Variants in DHX29 observed in about 807,000 individuals in gnomAD.
DHX29 encodes the protein ATP-dependent RNA helicase DHX29.
A neutral mutation model predicts 167.9 loss-of-function variants in DHX29; 79 were observed. The observed-to-expected ratio is 0.47, with a 90% confidence interval of 0.39 to 0.57. The LOEUF (loss-of-function observed/expected upper bound fraction) is 0.57. DHX29 is among the 20% of genes least tolerant of loss of function. The probability of loss-of-function intolerance (pLI) is 0.00; values close to 1 mark genes in which losing one functional copy is unlikely to be tolerated. For synonymous variants in DHX29, 530 were observed against 546.0 expected (o/e 0.97, Z 0.41); for missense variants, 1,347 against 1,593.4 (o/e 0.85, Z 2.63).
In DHX29 at chr5:55,260,649, C is replaced by G. The variant is rs1019106651; in HGVS notation, c.3961-705G>C. On this transcript the variant is annotated intron_variant, in intron 25 of 26. Coordinates refer to ENST00000251636, the MANE Select transcript of DHX29 (RefSeq NM_019030.4). ...TCCAGTTATAAAACATTTCCACCAC[C>G]CCAATTTCTTTGCACAAACTGCATA... Among the ~76,000 whole-genome samples the G allele has an allele frequency of 2.0e-5, 3 of 152,126 alleles. No individual in the cohort carries two copies. The East Asian group carries it at 5.8e-4, about 29-fold the overall frequency.
intron 21 of DHX29, among the ~76,000 whole-genome samples, chr5:55,268,386 A>G (rs1260899170): frequency 1.3e-5 from 2 of 152,210 alleles, no homozygotes; most frequent in Non-Finnish European, 2.9e-5. Context: ...AAGAGAGACT[A>G]TAGTAATAAG....
intron 8 of DHX29, 54 bp downstream of exon 8, chr5:55,289,213 TTTC>T (rs1398136466): frequency 6.8e-7 from 1 of 1,462,564 alleles, no homozygotes; most frequent in African/African-American, 1.5e-5. Context: ...CCATTATATA[TTTC>T]TTGACATTTT....
At chr5:55,268,351 G>A (rs1359158822) in intron 21 of DHX29, among the ~76,000 whole-genome samples, 1 of 152,170 alleles carries the variant, frequency 6.6e-6, no homozygotes, top group Non-Finnish European at 1.5e-5. Flanking sequence ...AAATTCCAGT[G>A]AATATCTATT....
At chr5:55,282,954 T>G (rs930994851) in intron 11 of DHX29, 1 of 297,424 alleles carries the variant, frequency 3.4e-6, no homozygotes, top group Non-Finnish European at 6.2e-6. Context: ...AATATTCAAT[T>G]ATTATAGTTA....
intron 23 of DHX29, among the ~76,000 whole-genome samples, chr5:55,266,157 C>T (rs995335019): frequency 6.6e-6 from 1 of 152,020 alleles, no homozygotes; most frequent in African/African-American, 2.4e-5. Context: ...CGCCATCACA[C>T]CTGGCTCATT....
intron 10 of DHX29, 23 bp from the exon 11 acceptor site, chr5:55,283,834 T>C: frequency 6.5e-7 from 1 of 1,536,688 alleles, no homozygotes; most frequent in Non-Finnish European, 8.7e-7. Context: ...CAGAGGTATG[T>C]TATTTTCACT....
rs757068122 is a variant in DHX29 at position 55,259,930 on chromosome 5, T to C, written c.3975A>G (p.Ile1325Met). ...GWIYFQAPVK[I>M]AVIFKQLRVL... ...CTCTCAGCTGCTTGAAAATGACAGC[T>C]ATCTTTACAGGGGCCTGTTAAGAGG... The change falls in exon 26 of 27, where the codon ATA (isoleucine) becomes ATG (methionine). Residue 1325 changes from isoleucine (I) to methionine (M), a missense_variant. By Grantham distance (10) the Ile-to-Met change is conservative. Around this residue, in one of 3 missense-constraint regions of DHX29, gnomAD observed 882 missense variants for 1,082.4 expected, o/e 0.81. Transcript: ENST00000251636. 2.5e-6 allele frequency: 4 copies of C among 1,610,932 alleles called. No homozygotes were observed. The South Asian group carries it at 3.3e-5, about 13-fold the overall frequency.
intron 18 of DHX29, among the ~76,000 whole-genome samples, chr5:55,271,240 A>G (rs1746840207): frequency 6.6e-6 from 1 of 152,246 alleles, no homozygotes; most frequent in Non-Finnish European, 1.5e-5. Context: ...TTTATTCAAT[A>G]TAAACATTAT....
chr5:55,281,062 T>TACAC (rs144186039), intron 12 of DHX29, among the ~76,000 whole-genome samples: 7 of 142,428 alleles, frequency 4.9e-5, no homozygotes, highest in South Asian at 4.4e-4. Context: ...TATATGTATA[T>TACAC]ACACACACAC....
chr5:55,264,775 G>A (rs1296150226), intron 23 of DHX29, among the ~76,000 whole-genome samples: 4 of 152,092 alleles, frequency 2.6e-5, no homozygotes, highest in African/African-American at 9.7e-5. Flanking sequence ...GAGATGCTTA[G>A]GAATCAACTC....
intron 21 of DHX29, among the ~76,000 whole-genome samples, chr5:55,269,104 G>T (rs1467176989): frequency 1.3e-5 from 2 of 151,904 alleles, no homozygotes; most frequent in Admixed American, 1.3e-4. Context: ...AAATTAGCCA[G>T]GTGTGGTGGC....
At chr5:55,304,990 G>GT (rs1748790527) in intron 1 of DHX29, among the ~76,000 whole-genome samples, 1 of 152,110 alleles carries the variant, frequency 6.6e-6, no homozygotes, top group Non-Finnish European at 1.5e-5. Context: ...ATAACCTCTA[G>GT]TTTTTTTCTC....
At chr5:55,288,144 G>A (rs1747841077) in intron 8 of DHX29, among the ~76,000 whole-genome samples, 2 of 151,950 alleles carry the variant, frequency 1.3e-5, no homozygotes, top group South Asian at 4.1e-4. Flanking sequence ...TTGGGAGGCT[G>A]AGGCAGGAGG....
chr5:55,267,286 ACT>A (rs1213556779), intron 22 of DHX29, 55 bp from the exon 23 acceptor site: 9 of 1,372,640 alleles, frequency 6.6e-6, no homozygotes, highest in Admixed American at 1.9e-5. Flanking sequence ...CTCTTTCCAA[ACT>A]CTTTTTCAGA....
chr5:55,269,974 T>C (rs1257304487), intron 20 of DHX29, among the ~76,000 whole-genome samples: 1 of 152,174 alleles, frequency 6.6e-6, no homozygotes, highest in African/African-American at 2.4e-5. Context: ...TTTGTTTAAG[T>C]CAGGGTTTCT....
At chr5:55,288,287 G>A (rs1294532090) in intron 8 of DHX29, among the ~76,000 whole-genome samples, 1 of 151,734 alleles carries the variant, frequency 6.6e-6, no homozygotes, top group East Asian at 1.9e-4. Flanking sequence ...GCAAATTATA[G>A]TATTATGATA....
chr5:55,256,944 A>G (rs1450184741), intron 26 of DHX29, among the ~76,000 whole-genome samples: 1 of 152,204 alleles, frequency 6.6e-6, no homozygotes, highest in South Asian at 2.1e-4. Context: ...AGTGTTCTTC[A>G]GAGTATGGCA....
chr5:55,256,545 G>A lies in DHX29; in HGVS notation c.4058-5C>T, dbSNP rs774737992. On this transcript the variant is annotated splice_polypyrimidine_tract_variant and splice_region_variant and intron_variant, in intron 26 of 26. Coordinates refer to ENST00000251636, the MANE Select transcript of DHX29 (RefSeq NM_019030.4). ...TGATCTGCAGAATCTTGTCATCTGA[G>A]TGGAAGGAAAAAAAAAAGCCACGAA... 4 of 1,581,374 alleles carry A rather than the reference G, an allele frequency of 2.5e-6. No homozygotes were observed. The highest frequency in any genetic ancestry group is 2.8e-5 in the African/African-American group (2 of 72,632).
intron 12 of DHX29, among the ~76,000 whole-genome samples, chr5:55,279,122 G>T (rs1041746048): frequency 2.0e-5 from 3 of 152,222 alleles, no homozygotes; most frequent in African/African-American, 7.2e-5. Flanking sequence ...AGTAGTTAAA[G>T]AAATAATCGT....
Sources: allele counts gnomAD v4.1 joint callset (sites outside exome capture counted in the v4.1 genomes callset), GRCh38; gene constraint gnomAD v4.1.1; regional missense constraint gnomAD v4.1.1; transcripts MANE v1.5; gene names NCBI Gene and HGNC (gene_info 2026-07-23, HGNC 2026-07-21).